STON2: variants seen among roughly 807,000 people sequenced by gnomAD.
The protein encoded by STON2 is stonin 2.
A neutral mutation model predicts 65.7 loss-of-function variants in STON2; 29 were observed. The ratio of observed to expected loss-of-function variants is 0.44; its 90% CI spans 0.33 to 0.60. The LOEUF (loss-of-function observed/expected upper bound fraction) is 0.60, where lower values mean the gene tolerates loss of function less well. STON2 is among the 20% of genes least tolerant of loss of function. The pLI is 0.03. For missense variants in STON2, 1,054 were observed against 1,118.1 expected, an observed-to-expected ratio of 0.94 and a Z score of 0.82; for synonymous variants, 404 against 414.2, an observed-to-expected ratio of 0.98 and a Z score of 0.30.
At chr14:81,294,342 C>G (rs1895678322) in intron 5 of STON2, among the ~76,000 whole-genome samples, 1 of 152,140 alleles carries the variant, frequency 6.6e-6, no homozygotes, top group African/African-American at 2.4e-5. Context: ...CCATCTTTGG[C>G]CTAGGTCAAC....
Position 81,277,011 on chromosome 14 carries a change from C to G in STON2, c.2471G>C (p.Ser824Thr). 1 of 1,614,232 alleles carries G rather than the reference C, an allele frequency of 6.2e-7. No individual in the cohort carries two copies. The highest frequency in any genetic ancestry group is 8.5e-7 in the Non-Finnish European group (1 of 1,180,034). The change falls in exon 6 of 8, where the codon AGT (serine) becomes ACT (threonine). Residue 824 changes from serine (S) to threonine (T), a missense_variant. Coordinates refer to ENST00000614646, the MANE Select transcript of STON2 (RefSeq NM_001394390.1). ...CATGACAGGCTCAGAGCCAGAAACA[C>G]TAGTGGAGCCAAAACTTGCCCCCCG... Reference protein sequence around the residue: ...VNRGASFGSTSVSGSEPVMRV... With the variant: ...VNRGASFGSTTVSGSEPVMRV...
At chr14:81,299,399 A>G (rs985027233) in intron 5 of STON2, among the ~76,000 whole-genome samples, 7 of 152,250 alleles carry the variant, frequency 4.6e-5, no homozygotes, top group African/African-American at 1.7e-4. Context: ...GAAAACCCTC[A>G]GCTAACATCA....
At chr14:81,404,443 T>C (rs999027796), upstream of STON2, among the ~76,000 whole-genome samples, 3 of 151,688 alleles carry the variant, frequency 2.0e-5, no homozygotes, top group African/African-American at 7.3e-5. Flanking sequence ...ACCAGTTCCT[T>C]TCAACTTTTT....
At chr14:81,411,526 G>A (rs934432069) in intron 2 of STON2, among the ~76,000 whole-genome samples, 17 of 152,338 alleles carry the variant, frequency 1.1e-4, no homozygotes, top group Admixed American at 1.1e-3. Flanking sequence ...GACCAACATG[G>A]TGAAACCCTG....
At chr14:81,282,821 C>A (rs767686135) in intron 5 of STON2, among the ~76,000 whole-genome samples, 2 of 152,150 alleles carry the variant, frequency 1.3e-5, no homozygotes, top group Non-Finnish European at 2.9e-5. Flanking sequence ...GCAGTTAGAT[C>A]TTTCCCAAGA....
At chr14:81,286,186 T>C (rs981385471) in intron 5 of STON2, among the ~76,000 whole-genome samples, 4 of 152,236 alleles carry the variant, frequency 2.6e-5, no homozygotes, top group African/African-American at 9.6e-5. Flanking sequence ...ATTGAAAATA[T>C]GTTTAAAAAT....
chr14:81,337,748 G>A (rs1307787120), intron 4 of STON2, among the ~76,000 whole-genome samples: 1 of 152,160 alleles, frequency 6.6e-6, no homozygotes, highest in Non-Finnish European at 1.5e-5. Flanking sequence ...AGATAGCAAG[G>A]AGGTCAGTCC....
At chr14:81,383,033 T>G (rs1032831248) in intron 3 of STON2, among the ~76,000 whole-genome samples, 1 of 152,228 alleles carries the variant, frequency 6.6e-6, no homozygotes, top group East Asian at 1.9e-4. Flanking sequence ...TGGAGCTGAC[T>G]CTGCTCCCAG....
Position 81,265,109 on chromosome 14 carries a change from G to C in STON2, c.*3305C>G. 1.0e-6 allele frequency: 1 copy of C among 984,854 alleles called. No homozygotes were observed. Among genetic ancestry groups the C allele is most frequent in the Non-Finnish European group, 1.2e-6 (1 of 829,794 alleles). The allele number at this position is 984,854 out of a possible 1,614,324, so 61.0% of individuals were successfully genotyped here. On this transcript the variant is annotated 3_prime_UTR_variant, in exon 8 of 8. Coordinates refer to ENST00000614646, the MANE Select transcript of STON2 (RefSeq NM_001394390.1). Reference sequence around the variant, plus strand: ...AAAAAATAAAAAGTCCAGGTCCAGGGTTGCAAAAGTAGAATCTGCATATCC... The same window carrying C: ...AAAAAATAAAAAGTCCAGGTCCAGGCTTGCAAAAGTAGAATCTGCATATCC...
intron 4 of STON2, among the ~76,000 whole-genome samples, chr14:81,329,890 T>C (rs1566911600): frequency 6.6e-6 from 1 of 152,204 alleles, no homozygotes; most frequent in East Asian, 1.9e-4. Flanking sequence ...CAGGTAAGCC[T>C]GCTTTACCTG....
At position 81,263,986 on chromosome 14, in the gene STON2, C is replaced by A; in HGVS notation, c.*4428G>T. The A allele has an allele frequency of 1.0e-6, 1 of 985,346 alleles. No homozygotes were observed. Among genetic ancestry groups the A allele is most frequent in the Non-Finnish European group, 1.2e-6 (1 of 829,914 alleles). The allele number at this position is 985,346 out of a possible 1,614,324, so 61.0% of individuals were successfully genotyped here. Reference sequence around the variant, plus strand: ...TGGTGACAAAATAAATGCAAAGTAACGGTCAGCGGTTAGTGCTGGAAGAAC... The same window carrying A: ...TGGTGACAAAATAAATGCAAAGTAAAGGTCAGCGGTTAGTGCTGGAAGAAC... On this transcript the variant is annotated 3_prime_UTR_variant, in exon 8 of 8. Coordinates refer to ENST00000614646, the MANE Select transcript of STON2 (RefSeq NM_001394390.1).
chr14:81,277,758 ACAGCAG>A lies in STON2; in HGVS notation c.1718_1723del (p.Pro573_Val575delinsLeu). 1 of 1,614,186 alleles carries A rather than the reference ACAGCAG, an allele frequency of 6.2e-7. No homozygotes were observed. Among genetic ancestry groups the A allele is most frequent in the South Asian group, 1.1e-5 (1 of 91,074 alleles). On this transcript the variant is annotated inframe_deletion, in exon 6 of 8. Transcript: ENST00000614646. ...CTGTTCCCTCTCTGCTGTGTGGGCC[ACAGCAG>A]GTTTGGGCTGGTATTTCTTCTTCTC...
rs938438585 is a variant in STON2, at chr14:81,295,542, A to C, written c.743-16803T>G. On this transcript the variant is annotated intron_variant, in intron 5 of 7. Coordinates refer to ENST00000614646, the MANE Select transcript of STON2 (RefSeq NM_001394390.1). The stretch of plus-strand genomic sequence containing the variant: ...CTGAGAAAGGAAATTAAATCAAGTA[A>C]CCACAGAATAGGGGAAAGTGGAAAG... 2.0e-4 allele frequency among the ~76,000 whole-genome samples: 30 copies of C among 152,332 alleles called. No individual in the cohort carries two copies. The South Asian group carries it at 5.8e-3, about 29-fold the overall frequency.
rs900682889 is a variant in STON2 at position 81,396,033 on chromosome 14, G to A, written c.234C>T (p.Ile78=). 2 of 1,614,210 alleles carry A rather than the reference G, an allele frequency of 1.2e-6. No homozygotes were observed. Among genetic ancestry groups the A allele is most frequent in the Non-Finnish European group, 1.7e-6 (2 of 1,180,036 alleles). The part of the protein sequence containing the change: ...QDDSSEKMGL[I]SEAASPPGSP... ...TCCCAGGTGGGGAAGCTGCTTCAGAGATGAGGCCCATCTTTTCAGAGGAGT... is the reference window on the plus strand; with the variant it reads ...TCCCAGGTGGGGAAGCTGCTTCAGAAATGAGGCCCATCTTTTCAGAGGAGT... Residue 78 remains isoleucine (I), a synonymous_variant, in exon 3 of 8, where the codon ATC becomes ATT. Transcript: ENST00000614646.
chr14:81,401,985 G>A (rs964637435), upstream of STON2, among the ~76,000 whole-genome samples: 4 of 152,122 alleles, frequency 2.6e-5, no homozygotes, highest in Non-Finnish European at 5.9e-5. Context: ...GGGGATCACC[G>A]CAAGTGACAG....
chr14:81,313,415 G>A (rs1391193045), intron 5 of STON2, among the ~76,000 whole-genome samples: 1 of 151,994 alleles, frequency 6.6e-6, no homozygotes, highest in East Asian at 1.9e-4. Context: ...ACTCCTACGT[G>A]CAGATACGAT....
chr14:81,313,316 G>A (rs151223944), intron 5 of STON2, among the ~76,000 whole-genome samples: 766 of 152,286 alleles, frequency 5.0e-3, no homozygotes, highest in Non-Finnish European at 8.1e-3. Context: ...TAAGATCCTT[G>A]AGGACAGAGA....
At chr14:81,328,311 G>A (rs1451699889) in intron 4 of STON2, among the ~76,000 whole-genome samples, 2 of 152,116 alleles carry the variant, frequency 1.3e-5, no homozygotes, top group African/African-American at 4.8e-5. Context: ...TTAAATGTAA[G>A]TCCATTCATG....
intron 1 of STON2, among the ~76,000 whole-genome samples, chr14:81,430,497 C>T (rs914618587): frequency 2.0e-5 from 3 of 152,210 alleles, no homozygotes; most frequent in African/African-American, 7.2e-5. Context: ...GGAACACTGA[C>T]CACCCCTTGC....
Sources: gnomAD v4.1 joint callset for allele counts (sites outside exome capture counted in the v4.1 genomes callset) on GRCh38, gnomAD v4.1.1 for gene constraint, MANE v1.5 for transcripts, NCBI Gene and HGNC (gene_info 2026-07-23, HGNC 2026-07-21) for gene names.